Variants in NPAS2 observed in about 807,000 individuals in gnomAD.
NPAS2 encodes neuronal PAS domain protein 2.
NPAS2 carries 23 observed loss-of-function variants against 107.5 expected under a neutral mutation model. The ratio of observed to expected loss-of-function variants is 0.21; its 90% CI spans 0.15 to 0.30. The LOEUF is 0.30. Among genes scored for constraint, NPAS2 ranks in the 10% least tolerant of loss-of-function variants. The pLI is 1.00. For missense variants in NPAS2, 756 were observed against 1,043.3 expected, an observed-to-expected ratio of 0.72 and a Z score of 3.79; for synonymous variants, 403 against 417.5, an observed-to-expected ratio of 0.97 and a Z score of 0.42.
chr2:100,893,073 C>T (rs1229010303), intron 1 of NPAS2, among the ~76,000 whole-genome samples: 1 of 152,194 alleles, frequency 6.6e-6, no homozygotes. Context: ...AAGCCATTCC[C>T]TGGAGAGGAA....
At chr2:100,857,298 C>CAAA (rs11312399) in intron 1 of NPAS2, among the ~76,000 whole-genome samples, 4 of 87,894 alleles carry the variant, frequency 4.6e-5, no homozygotes, top group Admixed American at 1.3e-4. Flanking sequence ...AACTCCTTCT[C>CAAA]AAAAAAAAAA....
intron 16 of NPAS2, chr2:100,986,813 T>C (rs1024378270): frequency 6.6e-5 from 10 of 152,390 alleles, no homozygotes; most frequent in South Asian, 4.1e-4. Flanking sequence ...ATCAACATTA[T>C]CTACCAAAAC....
chr2:100,979,502 A>ATATATATATATATT (rs1403246843), intron 15 of NPAS2, among the ~76,000 whole-genome samples: 1 of 43,316 alleles, frequency 2.3e-5, no homozygotes, highest in African/African-American at 9.9e-5. Context: ...ATATATATAT[A>ATATATATATATATT]TTTTTTTTTT....
intron 1 of NPAS2, among the ~76,000 whole-genome samples, chr2:100,896,825 C>A (rs573692843): frequency 4.6e-5 from 7 of 151,640 alleles, no homozygotes; most frequent in Admixed American, 3.9e-4. Context: ...TTCCTCCCTC[C>A]CTCCCTTCCT....
intron 1 of NPAS2, among the ~76,000 whole-genome samples, chr2:100,827,850 G>T (rs1676483254): frequency 6.6e-6 from 1 of 152,126 alleles, no homozygotes; most frequent in African/African-American, 2.4e-5. Flanking sequence ...GATTGCTATT[G>T]TGAATAGTGC....
intron 1 of NPAS2, among the ~76,000 whole-genome samples, chr2:100,863,267 A>C (rs1272188501): frequency 6.6e-6 from 1 of 152,200 alleles, no homozygotes; most frequent in Non-Finnish European, 1.5e-5. Context: ...GTTCCATTCA[A>C]GCAAAAGAGG....
rs146144114 is a variant in NPAS2, at chr2:100,914,841, T to C, written c.32+10055T>C. The stretch of plus-strand genomic sequence containing the variant: ...AGCTGTAAAGCGTGAGCAGAATGCA[T>C]GAAACAGCCATTTGAGGACCCTGAA... On this transcript the variant is annotated intron_variant, in intron 2 of 20. Coordinates refer to ENST00000335681, the MANE Select transcript of NPAS2 (RefSeq NM_002518.4). 2.4e-4 allele frequency among the ~76,000 whole-genome samples: 36 copies of C among 152,346 alleles called. No individual in the cohort carries two copies. The East Asian group carries it at 5.6e-3, about 24-fold the overall frequency.
chr2:100,994,648 T>C, intron 20 of NPAS2: 1 of 152,456 alleles, frequency 6.6e-6, no homozygotes, highest in Non-Finnish European at 1.5e-5. Flanking sequence ...TGGGGAAGCC[T>C]TTGTGGAGGA....
In NPAS2 at chr2:100,990,877, G is replaced by A. The variant is rs774040750; in HGVS notation, c.2111+5G>A. On this transcript the variant is annotated splice_donor_5th_base_variant and intron_variant, in intron 19 of 20. Transcript: ENST00000335681. ...CAGGACGGGACGGCAAGTCAAGTAC[G>A]TGGACCCTGGCGGGAGGCAGGAGGC... 8.1e-6 allele frequency: 13 copies of A among 1,613,530 alleles called. No homozygotes were observed. Among genetic ancestry groups the A allele is most frequent in the Admixed American group, 3.3e-5 (2 of 59,996 alleles).
At chr2:100,900,311 A>AT (rs1196134379) in intron 1 of NPAS2, among the ~76,000 whole-genome samples, 2 of 152,204 alleles carry the variant, frequency 1.3e-5, no homozygotes, top group Non-Finnish European at 2.9e-5. Flanking sequence ...ACAAAAGAAG[A>AT]TATCTAAATA....
rs142315446 is a variant in NPAS2 at position 100,940,934 on chromosome 2, G to A, written c.363+3092G>A. On this transcript the variant is annotated intron_variant, in intron 5 of 20. Coordinates refer to ENST00000335681, the MANE Select transcript of NPAS2 (RefSeq NM_002518.4). The stretch of plus-strand genomic sequence containing the variant: ...TGGAGGTCGGGACACAGGGTAGTCA[G>A]GGGGCAGGAGGCTGTGGGCCCCAGC... Among the ~76,000 whole-genome samples, 561 of 152,290 alleles carry A rather than the reference G, an allele frequency of 3.7e-3. 3 individuals carry two copies. The highest frequency in any genetic ancestry group is 0.013 in the African/African-American group (521 of 41,568).
chr2:100,857,792 C>G (rs892884263), intron 1 of NPAS2, among the ~76,000 whole-genome samples: 1 of 122,492 alleles, frequency 8.2e-6, no homozygotes, highest in Non-Finnish European at 2.0e-5. Flanking sequence ...TCAGTTCTCA[C>G]CAAATGACTC....
chr2:100,903,600 G>A lies in NPAS2; in HGVS notation c.-22-1133G>A, dbSNP rs185377148. ...CAAGAGTAATTGGTGGTGCATTTGC[G>A]AAGTGCTGGTTTGGGAGTTCCGACT... On this transcript the variant is annotated intron_variant, in intron 1 of 20. Coordinates refer to ENST00000335681, the MANE Select transcript of NPAS2 (RefSeq NM_002518.4). Among the ~76,000 whole-genome samples the A allele has an allele frequency of 1.7e-4, 26 of 152,276 alleles. No individual in the cohort carries two copies. In the South Asian group the frequency reaches 4.4e-3, roughly 26 times the overall value.
intron 7 of NPAS2, among the ~76,000 whole-genome samples, chr2:100,957,649 G>A (rs1394291744): frequency 2.6e-5 from 4 of 152,214 alleles, no homozygotes; most frequent in South Asian, 2.1e-4. Context: ...AGGTCCTGCC[G>A]GGCGCGGTGG....
chr2:100,873,758 G>A (rs1218285681), intron 1 of NPAS2, among the ~76,000 whole-genome samples: 4 of 152,116 alleles, frequency 2.6e-5, no homozygotes, highest in Non-Finnish European at 5.9e-5. Context: ...TTTGAGCAGG[G>A]CTGCTGCACA....
intron 1 of NPAS2, among the ~76,000 whole-genome samples, chr2:100,892,284 A>G (rs1681119525): frequency 6.6e-6 from 1 of 152,232 alleles, no homozygotes; most frequent in Non-Finnish European, 1.5e-5. Flanking sequence ...ACTTAATAAC[A>G]AATTTTTCAA....
At position 100,968,489 on chromosome 2, in the gene NPAS2, A is replaced by G. The variant is rs35503589; in HGVS notation, c.1055+61A>G. The G allele has an allele frequency of 0.13, 206,601 of 1,559,618 alleles. 22,003 individuals carry two copies. Among genetic ancestry groups the G allele is most frequent in the East Asian group, 0.47 (21,010 of 44,242 alleles). On this transcript the variant is annotated intron_variant, in intron 11 of 20. Transcript: ENST00000335681. The surrounding 1 kb of genome is among the most constrained non-coding windows in gnomAD (Gnocchi z 5.3). ...GTCGCACCTGGGGGAGGGGTGCAGG[A>G]TGGCGTGGCCCCTGATGGCCAAGTC...
At chr2:100,995,245 A>G in intron 20 of NPAS2, 155 bp from the exon 21 acceptor site, 1 of 419,240 alleles carries the variant, frequency 2.4e-6, no homozygotes, top group Non-Finnish European at 4.2e-6. Context: ...CCACACCCCC[A>G]GGTCTTGCCA....
chr2:100,995,936 G>A lies in NPAS2; in HGVS notation c.*354G>A. ...CGGTTGCTCTAGCCACCTGCGGCCC[G>A]CCCATCTGCGCTAGCTGGCCTTCAC... On this transcript the variant is annotated 3_prime_UTR_variant, in exon 21 of 21. Transcript: ENST00000335681. 6.5e-6 allele frequency: 9 copies of A among 1,384,686 alleles called. No homozygotes were observed. Among genetic ancestry groups the A allele is most frequent in the Middle Eastern group, 2.7e-4 (1 of 3,698 alleles). The allele number at this position is 1,384,686 out of a possible 1,614,324, so 85.8% of individuals were successfully genotyped here. A position where few individuals can be genotyped will look rare whatever the true frequency, so the allele number is the denominator to read the frequency against.
Sources: allele counts gnomAD v4.1 joint callset (sites outside exome capture counted in the v4.1 genomes callset), GRCh38; gene constraint gnomAD v4.1.1; non-coding constraint Gnocchi (gnomAD v3.1); transcripts MANE v1.5; gene names NCBI Gene and HGNC (gene_info 2026-07-23, HGNC 2026-07-21).